The following FMN1 variants were observed in gnomAD, a reference collection of about 807,000 sequenced individuals.
The protein encoded by FMN1 is formin-1.
In FMN1, 110 loss-of-function variants were observed where a neutral mutation model predicts 132.4. That is an observed-to-expected ratio of 0.83 (90% confidence interval 0.71 to 0.97). The LOEUF is 0.97. Ranked by LOEUF, FMN1 falls within the 50% of genes least tolerant of loss-of-function variation. The probability of loss-of-function intolerance (pLI) is 0.00; values close to 1 mark genes in which losing one functional copy is unlikely to be tolerated. For synonymous variants in FMN1, 722 were observed against 651.7 expected (o/e 1.11, Z -1.64); for missense variants, 1,792 against 1,705.3 (o/e 1.05, Z -0.90).
chr15:32,961,405 A>T (rs1482168299), intron 9 of FMN1, among the ~76,000 whole-genome samples: 1 of 152,144 alleles, frequency 6.6e-6, no homozygotes, highest in East Asian at 1.9e-4. Flanking sequence ...AAGTGCTAGG[A>T]TTATAGGCAT....
chr15:33,066,764 T>C (rs769386467), intron 5 of FMN1: 26 of 1,613,844 alleles, frequency 1.6e-5, no homozygotes, highest in East Asian at 8.9e-5. Flanking sequence ...TTGGTCAGCA[T>C]TGCAGCCCAT....
At chr15:33,182,788 G>A (rs1395749314) in intron 2 of FMN1, among the ~76,000 whole-genome samples, 1 of 152,134 alleles carries the variant, frequency 6.6e-6, no homozygotes, top group African/African-American at 2.4e-5. Flanking sequence ...AAATCCAGGA[G>A]GAAAAAAATT....
intron 9 of FMN1, among the ~76,000 whole-genome samples, chr15:32,955,812 T>TGTGC (rs2061753138): frequency 2.1e-5 from 2 of 96,282 alleles, no homozygotes; most frequent in Admixed American, 8.6e-5. Context: ...TGCGTGTGCG[T>TGTGC]GTGTGTGTGT....
chr15:33,143,622 C>A (rs746813442), intron 4 of FMN1, among the ~76,000 whole-genome samples: 2 of 152,048 alleles, frequency 1.3e-5, no homozygotes, highest in Non-Finnish European at 2.9e-5. Context: ...CAAGGCAAAC[C>A]CATTTTACTC....
In FMN1 at chr15:33,021,169, C is replaced by A. The variant is rs887705135; in HGVS notation, c.2162-13094G>T. 5.9e-4 allele frequency among the ~76,000 whole-genome samples: 90 copies of A among 152,340 alleles called. 1 individual carries two copies. Among genetic ancestry groups the A allele is most frequent in the African/African-American group, 2.1e-3 (89 of 41,574 alleles). On this transcript the variant is annotated intron_variant, in intron 6 of 20. Coordinates refer to ENST00000616417, the MANE Select transcript of FMN1 (RefSeq NM_001277313.2). ...CCCAGAGAAAGATACATGGTGCAGA[C>A]TTAAACCCTAGCCACAGTCAGCAGT...
intron 6 of FMN1, among the ~76,000 whole-genome samples, chr15:33,013,541 T>A (rs1346200331): frequency 6.6e-6 from 1 of 152,230 alleles, no homozygotes; most frequent in African/African-American, 2.4e-5. Context: ...TGAAAAATTA[T>A]TCTTTAAATT....
chr15:32,894,073 A>C (rs1359159766), intron 15 of FMN1, among the ~76,000 whole-genome samples: 1 of 152,152 alleles, frequency 6.6e-6, no homozygotes, highest in Non-Finnish European at 1.5e-5. Flanking sequence ...CCACCAGAAA[A>C]CAGCTCTCAT....
intron 9 of FMN1, among the ~76,000 whole-genome samples, chr15:32,942,644 C>T (rs748928562): frequency 6.6e-6 from 1 of 152,152 alleles, no homozygotes; most frequent in Non-Finnish European, 1.5e-5. Flanking sequence ...TGCTAGACAC[C>T]AAACACATTC....
At chr15:33,028,677 T>C (rs1010078909) in intron 6 of FMN1, among the ~76,000 whole-genome samples, 2 of 152,196 alleles carry the variant, frequency 1.3e-5, no homozygotes, top group Non-Finnish European at 2.9e-5. Flanking sequence ...GCTCATTTCA[T>C]AGAAATGTTC....
chr15:32,894,243 G>C (rs1456824029), intron 15 of FMN1, among the ~76,000 whole-genome samples: 8 of 152,164 alleles, frequency 5.3e-5, no homozygotes, highest in Admixed American at 2.0e-4. Context: ...TCAGCACTTT[G>C]GGAGGCCAAG....
intron 5 of FMN1, among the ~76,000 whole-genome samples, chr15:33,075,578 A>C (rs955477886): frequency 6.6e-6 from 1 of 152,190 alleles, no homozygotes; most frequent in East Asian, 1.9e-4. Context: ...AGTTTTCTCA[A>C]GTGGCCACTG....
At chr15:33,018,432 C>T (rs528442068) in intron 6 of FMN1, among the ~76,000 whole-genome samples, 5 of 152,102 alleles carry the variant, frequency 3.3e-5, no homozygotes, top group Admixed American at 2.6e-4. Flanking sequence ...AAGGTTGAGT[C>T]GCTCACCAAT....
At chr15:33,018,255 A>G (rs545749087) in intron 6 of FMN1, among the ~76,000 whole-genome samples, 2 of 152,000 alleles carry the variant, frequency 1.3e-5, no homozygotes, top group African/African-American at 2.4e-5. Flanking sequence ...TAAAATCCTT[A>G]CACTTTCCAA....
intron 17 of FMN1, among the ~76,000 whole-genome samples, chr15:32,824,821 CT>C (rs1247715667): frequency 6.6e-6 from 1 of 152,240 alleles, no homozygotes; most frequent in African/African-American, 2.4e-5. Context: ...TCTCAAATCT[CT>C]ATCATCAACT....
At chr15:33,100,223 T>TAAAAAAAAAAAAAAAAAA (rs61200336) in intron 4 of FMN1, among the ~76,000 whole-genome samples, 1 of 115,468 alleles carries the variant, frequency 8.7e-6, no homozygotes, top group Non-Finnish European at 1.9e-5. Context: ...ACTTTCACAG[T>TAAAAAAAAAAAAAAAAAA]AAAAAAAAAA....
chr15:33,072,324 G>A (rs1248907351), intron 5 of FMN1, among the ~76,000 whole-genome samples: 3 of 152,202 alleles, frequency 2.0e-5, no homozygotes, highest in Admixed American at 6.5e-5. Context: ...TTTCCTGTAA[G>A]TGGATTCCCA....
chr15:33,054,260 A>G (rs770882143), intron 6 of FMN1, among the ~76,000 whole-genome samples: 1 of 152,202 alleles, frequency 6.6e-6, no homozygotes, highest in Non-Finnish European at 1.5e-5. Flanking sequence ...GACCAAAAAT[A>G]TATTTCCTAC....
At chr15:33,000,451 G>A (rs1246389764) in intron 7 of FMN1, among the ~76,000 whole-genome samples, 12 of 115,634 alleles carry the variant, frequency 1.0e-4, no homozygotes, top group South Asian at 3.2e-4. Flanking sequence ...TCCATCTCAG[G>A]AAAAAAAAAA....
At chr15:33,096,462 C>A (rs913090674) in intron 4 of FMN1, among the ~76,000 whole-genome samples, 1 of 152,160 alleles carries the variant, frequency 6.6e-6, no homozygotes, top group East Asian at 1.9e-4. Context: ...CATCCAGATT[C>A]GTAAATCGCC....
Sources: allele counts gnomAD v4.1 joint callset (sites outside exome capture counted in the v4.1 genomes callset), GRCh38; gene constraint gnomAD v4.1.1; transcripts MANE v1.5; gene names NCBI Gene and HGNC (gene_info 2026-07-23, HGNC 2026-07-21).